FBXW11: variants seen among roughly 807,000 people sequenced by gnomAD.
The protein encoded by FBXW11 is F-box and WD repeat domain containing 11.
In FBXW11, 19 loss-of-function variants were observed where a neutral mutation model predicts 77.6. That is an observed-to-expected ratio of 0.24 (90% CI 0.17 to 0.36). The LOEUF (loss-of-function observed/expected upper bound fraction) is 0.36, where lower values mean the gene tolerates loss of function less well. Among genes scored for constraint, FBXW11 ranks in the 10% least tolerant of loss-of-function variants. The pLI, the probability that FBXW11 is intolerant of heterozygous loss-of-function variation, is 1.00. For missense variants in FBXW11, 334 were observed against 704.2 expected (o/e 0.47, Z 5.95); for synonymous variants, 235 against 249.4 (o/e 0.94, Z 0.54).
intron 2 of FBXW11, among the ~76,000 whole-genome samples, chr5:171,932,321 G>C (rs2113086317): frequency 6.6e-6 from 1 of 152,268 alleles, no homozygotes; most frequent in South Asian, 2.1e-4. Context: ...TAAGTCATCA[G>C]GTAAATACAA....
Position 171,876,902 on chromosome 5 carries a change from G to A in FBXW11, c.972-368C>T, listed in dbSNP as rs1335417080. 1.3e-5 allele frequency among the ~76,000 whole-genome samples: 2 copies of A among 152,160 alleles called. No homozygotes were observed. The highest frequency in any genetic ancestry group is 2.9e-5 in the Non-Finnish European group (2 of 68,020). ...CTTCTGCCATGAGTAGAAGTAGCTC[G>A]AAGCCCTCATCAGAAGTAGATGCTG... is the stretch of plus-strand genomic sequence containing the variant. On this transcript the variant is annotated intron_variant, in intron 8 of 13. Coordinates refer to ENST00000517395, the MANE Select transcript of FBXW11 (RefSeq NM_001378974.1). This position sits in a 1 kb window ranked among gnomAD's most constrained non-coding sequence, Gnocchi z 4.2.
chr5:171,916,922 G>C (rs1418094474), intron 2 of FBXW11, among the ~76,000 whole-genome samples: 1 of 151,978 alleles, frequency 6.6e-6, no homozygotes, highest in African/African-American at 2.4e-5. Context: ...GGGTTTTTTT[G>C]TTTTGTTTTG....
chr5:171,921,852 C>A (rs530667725), intron 2 of FBXW11, among the ~76,000 whole-genome samples: 27 of 152,266 alleles, frequency 1.8e-4, no homozygotes, highest in Non-Finnish European at 3.8e-4. Context: ...AATCTTCCCA[C>A]CTTAGCCTCC....
At chr5:171,940,249 T>C (rs1480425106) in intron 2 of FBXW11, among the ~76,000 whole-genome samples, 1 of 152,200 alleles carries the variant, frequency 6.6e-6, no homozygotes, top group Non-Finnish European at 1.5e-5. Context: ...GGTTTCCTTC[T>C]GGAAGGCTAG....
At chr5:171,975,780 A>G (rs1037833414) in intron 1 of FBXW11, among the ~76,000 whole-genome samples, 2 of 152,206 alleles carry the variant, frequency 1.3e-5, no homozygotes, top group Non-Finnish European at 2.9e-5. Flanking sequence ...TGGCAGGATG[A>G]CAAGAGAAAC....
intron 2 of FBXW11, among the ~76,000 whole-genome samples, chr5:171,934,845 GA>G (rs1164506204): frequency 6.6e-6 from 1 of 151,984 alleles, no homozygotes; most frequent in African/African-American, 2.4e-5. Context: ...AGTTTCTAAA[GA>G]AAAAAATAAA....
chr5:171,925,822 T>C (rs1341362259), intron 2 of FBXW11, among the ~76,000 whole-genome samples: 2 of 152,202 alleles, frequency 1.3e-5, no homozygotes, highest in Non-Finnish European at 2.9e-5. Flanking sequence ...TTTTAAAACA[T>C]GGTCAGCAGG....
intron 2 of FBXW11, among the ~76,000 whole-genome samples, chr5:171,926,860 C>T (rs1396873969): frequency 3.3e-5 from 5 of 152,118 alleles, no homozygotes; most frequent in African/African-American, 1.2e-4. Flanking sequence ...TCCCAGCATA[C>T]TACTTAAGTA....
intron 2 of FBXW11, among the ~76,000 whole-genome samples, chr5:171,934,946 G>GT (rs569222169): frequency 4.6e-5 from 7 of 151,868 alleles, no homozygotes; most frequent in South Asian, 4.2e-4. Context: ...GGGTACAGTG[G>GT]TTTTTTTTGT....
At chr5:171,990,721 A>G (rs1326076194) in intron 1 of FBXW11, among the ~76,000 whole-genome samples, 3 of 152,236 alleles carry the variant, frequency 2.0e-5, no homozygotes, top group Non-Finnish European at 2.9e-5. Flanking sequence ...TTTTACTTAA[A>G]AAAAGGTGCA....
At chr5:171,938,844 C>A (rs1762606022) in intron 2 of FBXW11, among the ~76,000 whole-genome samples, 2 of 152,122 alleles carry the variant, frequency 1.3e-5, no homozygotes, top group Non-Finnish European at 2.9e-5. Flanking sequence ...AAGGAAGGCC[C>A]CTGTTGACTG....
chr5:171,950,591 T>C (rs1763256133), intron 2 of FBXW11, among the ~76,000 whole-genome samples: 1 of 151,988 alleles, frequency 6.6e-6, no homozygotes, highest in Non-Finnish European at 1.5e-5. Flanking sequence ...ATTTCCTCTA[T>C]TCAAAAAAAA....
chr5:171,948,166 C>A lies in FBXW11; in HGVS notation c.147+9431G>T, dbSNP rs1369632984. Among the ~76,000 whole-genome samples, 4 of 139,546 alleles carry A rather than the reference C, an allele frequency of 2.9e-5. No individual in the cohort carries two copies. In the South Asian group the frequency reaches 9.0e-4, roughly 31 times the overall value. 91.5% of individuals were successfully genotyped at this position (139,546 alleles called of 152,430 possible). A position where few individuals can be genotyped will look rare whatever the true frequency, so the allele number is the denominator to read the frequency against. ...AGGAGAATCGCTTGAATCCGGGAGG[C>A]AGAGGTTGCAGTGAGCCAAGATCAT... On this transcript the variant is annotated intron_variant, in intron 2 of 13. Transcript: ENST00000517395.
intron 1 of FBXW11, among the ~76,000 whole-genome samples, chr5:171,959,630 T>C (rs1162378595): frequency 1.3e-5 from 2 of 152,082 alleles, no homozygotes; most frequent in African/African-American, 4.8e-5. Context: ...GTCAGATCAC[T>C]TGAGGTCAAG....
intron 3 of FBXW11, among the ~76,000 whole-genome samples, chr5:171,911,825 T>C (rs1027810893): frequency 3.9e-5 from 6 of 152,152 alleles, no homozygotes; most frequent in Non-Finnish European, 5.9e-5. Context: ...ATAATCTCAA[T>C]CACTAGACTC....
At chr5:171,897,023 T>A (rs541808029) in intron 6 of FBXW11, among the ~76,000 whole-genome samples, 1 of 152,320 alleles carries the variant, frequency 6.6e-6, no homozygotes, top group East Asian at 1.9e-4. Context: ...GGTCTATTGT[T>A]AAAAACTCGT....
intron 1 of FBXW11, among the ~76,000 whole-genome samples, chr5:172,004,757 C>A (rs75334164): frequency 6.6e-6 from 1 of 151,808 alleles, no homozygotes; most frequent in Non-Finnish European, 1.5e-5. Context: ...ACCAAAATAA[C>A]CCACTACAAA....
rs575070030 is a variant in FBXW11 at position 171,880,490 on chromosome 5, A to G, written c.853-2361T>C. Among the ~76,000 whole-genome samples, 3 of 152,290 alleles carry G rather than the reference A, an allele frequency of 2.0e-5. No homozygotes were observed. In the South Asian group the frequency reaches 6.2e-4, roughly 32 times the overall value. The stretch of plus-strand genomic sequence containing the variant: ...ATCACTTGCTGGGATTTTGATTGAG[A>G]CTGCATTGAACCTACAGACCAATTT... On this transcript the variant is annotated intron_variant, in intron 7 of 13. Transcript: ENST00000517395.
intron 2 of FBXW11, among the ~76,000 whole-genome samples, chr5:171,951,343 C>T (rs1352991831): frequency 1.3e-5 from 2 of 152,024 alleles, no homozygotes; most frequent in Non-Finnish European, 2.9e-5. Flanking sequence ...TGAGACCAGC[C>T]TGGGCAATAT....
Sources: gnomAD v4.1 joint callset for allele counts (sites outside exome capture counted in the v4.1 genomes callset) on GRCh38, gnomAD v4.1.1 for gene constraint, Gnocchi (gnomAD v3.1) non-coding constraint, MANE v1.5 for transcripts, NCBI Gene and HGNC (gene_info 2026-07-23, HGNC 2026-07-21) for gene names.